MAML2: variants seen among roughly 807,000 people sequenced by gnomAD.
The protein encoded by MAML2 is mastermind-like protein 2.
MAML2 carries 22 observed loss-of-function variants against 96.1 expected under a neutral mutation model. That is an observed-to-expected ratio of 0.23 (90% CI 0.16 to 0.33). MAML2 has a LOEUF of 0.33. MAML2 is among the 10% of genes least tolerant of loss of function. The pLI is 1.00. For missense variants in MAML2, 1,367 were observed against 1,392.4 expected (o/e 0.98, Z 0.29); for synonymous variants, 561 against 521.3 (o/e 1.08, Z -1.04).
At position 96,298,829 on chromosome 11, in the gene MAML2, T is replaced by G. The variant is rs1199899078; in HGVS notation, c.513+42554A>C. ...AGGCTGAGGAGGGTGGATCACGAGGTCAGGAGATCGAGACCATCCTGGCTA... is the reference window on the plus strand; with the variant it reads ...AGGCTGAGGAGGGTGGATCACGAGGGCAGGAGATCGAGACCATCCTGGCTA... On this transcript the variant is annotated intron_variant, in intron 1 of 4. Coordinates refer to ENST00000524717, the MANE Select transcript of MAML2 (RefSeq NM_032427.4). Among the ~76,000 whole-genome samples, 3 of 146,434 alleles carry G rather than the reference T, an allele frequency of 2.0e-5. No homozygotes were observed. The South Asian group carries it at 6.4e-4, about 31-fold the overall frequency.
At position 96,091,793 on chromosome 11, in the gene MAML2, C is replaced by A. The variant is rs61027672; in HGVS notation, c.2139+99G>T. On this transcript the variant is annotated intron_variant, in intron 2 of 4. Transcript: ENST00000524717. The stretch of plus-strand genomic sequence containing the variant: ...CATCAAGACCACTACTGTCTTTGGT[C>A]TTGATCTTGTCCCAATACAAACATA... 288 of 1,477,034 alleles carry A rather than the reference C, an allele frequency of 1.9e-4. No homozygotes were observed. In the African/African-American group the frequency reaches 3.8e-3, roughly 19 times the overall value. The allele number at this position is 1,477,034 out of a possible 1,614,324, so 91.5% of individuals were successfully genotyped here. A position where few individuals can be genotyped will look rare whatever the true frequency, so the allele number is the denominator to read the frequency against.
chr11:96,047,580 A>G (rs1040847282), intron 2 of MAML2, among the ~76,000 whole-genome samples: 3 of 152,138 alleles, frequency 2.0e-5, no homozygotes, highest in Non-Finnish European at 4.4e-5. Flanking sequence ...CCCTTCTGAT[A>G]ATCTCCATCA....
rs57492080 is a variant in MAML2, at chr11:96,006,872, T to TACACAC, written c.2140-15155_2140-15150dup. Among the ~76,000 whole-genome samples, 499 of 124,042 alleles carry TACACAC rather than the reference T, an allele frequency of 4.0e-3. 2 individuals carry two copies. The highest frequency in any genetic ancestry group is 5.2e-3 in the African/African-American group (165 of 31,606). 81.4% of individuals were successfully genotyped at this position (124,042 alleles called of 152,430 possible). The stretch of plus-strand genomic sequence containing the variant: ...ACCACGCCTGGCCAGGAATATCTTA[T>TACACAC]ACACACACACACACACACACACACA... On this transcript the variant is annotated intron_variant, in intron 2 of 4. Transcript: ENST00000524717.
At chr11:96,282,893 A>G (rs1220213230) in intron 1 of MAML2, among the ~76,000 whole-genome samples, 1 of 152,118 alleles carries the variant, frequency 6.6e-6, no homozygotes, top group Non-Finnish European at 1.5e-5. Context: ...TAATGTACAC[A>G]CTTGCAAATT....
chr11:96,127,082 C>T (rs767967908), intron 1 of MAML2, among the ~76,000 whole-genome samples: 6 of 151,652 alleles, frequency 4.0e-5, no homozygotes, highest in East Asian at 1.9e-4. Context: ...TGAAACCATT[C>T]GTAAAGTTCA....
intron 1 of MAML2, among the ~76,000 whole-genome samples, chr11:96,175,239 G>A (rs1861364976): frequency 1.3e-5 from 2 of 152,288 alleles, no homozygotes; most frequent in South Asian, 4.1e-4. Flanking sequence ...AGGAGTGTCA[G>A]GTTTTCTTGC....
intron 1 of MAML2, among the ~76,000 whole-genome samples, chr11:96,174,272 G>A (rs1861347906): frequency 6.6e-6 from 1 of 152,210 alleles, no homozygotes; most frequent in Non-Finnish European, 1.5e-5. Context: ...TGTCCTGGAA[G>A]GTTCTTACCA....
chr11:96,206,311 C>G (rs767677958), intron 1 of MAML2, among the ~76,000 whole-genome samples: 1 of 152,042 alleles, frequency 6.6e-6, no homozygotes, highest in African/African-American at 2.4e-5. Context: ...TTGAAATTGC[C>G]GGATAGGCGG....
chr11:96,105,620 T>TG (rs1284094895), intron 1 of MAML2, among the ~76,000 whole-genome samples: 1 of 152,240 alleles, frequency 6.6e-6, no homozygotes, highest in Non-Finnish European at 1.5e-5. Flanking sequence ...TCATCATTCT[T>TG]TTGAAAGTTT....
intron 1 of MAML2, among the ~76,000 whole-genome samples, chr11:96,204,082 G>A (rs956874429): frequency 5.9e-5 from 9 of 152,130 alleles, no homozygotes; most frequent in African/African-American, 1.7e-4. Context: ...AGGACTGAGG[G>A]AGGGAGAGGT....
intron 1 of MAML2, among the ~76,000 whole-genome samples, chr11:96,176,803 G>T (rs1861394454): frequency 6.6e-6 from 1 of 152,094 alleles, no homozygotes; most frequent in African/African-American, 2.4e-5. Context: ...ATCTTTCCAG[G>T]GTTTAAAGGG....
chr11:96,235,664 ATTGAGACCTCTCAATTT>A (rs1862357265), intron 1 of MAML2, among the ~76,000 whole-genome samples: 1 of 152,170 alleles, frequency 6.6e-6, no homozygotes, highest in Admixed American at 6.5e-5. Flanking sequence ...TTCTAAGGGG[ATTGAGACCTCTCAATTT>A]TTAAAAGGAG....
At chr11:96,232,752 G>A (rs1270327529) in intron 1 of MAML2, among the ~76,000 whole-genome samples, 1 of 152,318 alleles carries the variant, frequency 6.6e-6, no homozygotes, top group East Asian at 1.9e-4. Context: ...GATTAGAGGC[G>A]TGAGCCACCG....
chr11:96,166,800 G>A (rs986921011), intron 1 of MAML2, among the ~76,000 whole-genome samples: 2 of 152,166 alleles, frequency 1.3e-5, no homozygotes, highest in African/African-American at 4.8e-5. Flanking sequence ...TAAAAACAAG[G>A]TGACTCCTCT....
In MAML2 at chr11:96,119,824, A is replaced by G. The variant is rs550650073; in HGVS notation, c.514-26307T>C. ...TGATTTGTAATAATTTTATTTATTT[A>G]AATATTAATTGTAGCTCTCCTCCTA... On this transcript the variant is annotated intron_variant, in intron 1 of 4. Coordinates refer to ENST00000524717, the MANE Select transcript of MAML2 (RefSeq NM_032427.4). Among the ~76,000 whole-genome samples the G allele has an allele frequency of 6.6e-5, 10 of 152,330 alleles. No homozygotes were observed. In the Middle Eastern group the frequency reaches 0.014, roughly 207 times the overall value.
At chr11:96,299,764 G>A (rs139930603) in intron 1 of MAML2, among the ~76,000 whole-genome samples, 25 of 152,294 alleles carry the variant, frequency 1.6e-4, no homozygotes, top group Non-Finnish European at 3.2e-4. Flanking sequence ...AGCACACCCT[G>A]CAGTAGCTTC....
At chr11:96,036,213 C>T (rs755424268) in intron 2 of MAML2, among the ~76,000 whole-genome samples, 14 of 152,074 alleles carry the variant, frequency 9.2e-5, no homozygotes, top group South Asian at 4.2e-4. Flanking sequence ...TTAACCCCAC[C>T]GGAATGACAC....
chr11:96,255,259 T>C (rs1402507162), intron 1 of MAML2, among the ~76,000 whole-genome samples: 1 of 152,264 alleles, frequency 6.6e-6, no homozygotes, highest in African/African-American at 2.4e-5. Flanking sequence ...CATGAACTGT[T>C]CGTTGCATAA....
chr11:96,201,814 G>A (rs183587381), intron 1 of MAML2, among the ~76,000 whole-genome samples: 2 of 151,730 alleles, frequency 1.3e-5, no homozygotes, highest in African/African-American at 4.8e-5. Flanking sequence ...AGCTACTTGT[G>A]AGGCTGAGGC....
Sources: allele counts gnomAD v4.1 joint callset (sites outside exome capture counted in the v4.1 genomes callset), GRCh38; gene constraint gnomAD v4.1.1; transcripts MANE v1.5; gene names NCBI Gene and HGNC (gene_info 2026-07-23, HGNC 2026-07-21).